CERT1: variants seen among roughly 807,000 people sequenced by gnomAD.
CERT1 encodes ceramide transporter 1.
In CERT1, 31 loss-of-function variants were observed where a neutral mutation model predicts 87.9. The ratio of observed to expected loss-of-function variants is 0.35; its 90% CI spans 0.27 to 0.48. The LOEUF (loss-of-function observed/expected upper bound fraction) is 0.48, where lower values mean the gene tolerates loss of function less well. Ranked by LOEUF, CERT1 falls within the 20% of genes least tolerant of loss-of-function variation. The probability of loss-of-function intolerance (pLI) is 0.99; values close to 1 mark genes in which losing one functional copy is unlikely to be tolerated. For synonymous variants in CERT1, 289 were observed against 250.9 expected, an observed-to-expected ratio of 1.15 and a Z score of -1.44; for missense variants, 487 against 758.0, an observed-to-expected ratio of 0.64 and a Z score of 4.20.
At chr5:75,389,992 A>G (rs922085616) in intron 11 of CERT1, among the ~76,000 whole-genome samples, 14 of 152,232 alleles carry the variant, frequency 9.2e-5, no homozygotes, top group African/African-American at 2.9e-4. Flanking sequence ...ATTCCATTCT[A>G]TATCATAAAA....
At chr5:75,465,687 T>G (rs1293092470) in intron 2 of CERT1, among the ~76,000 whole-genome samples, 3 of 152,220 alleles carry the variant, frequency 2.0e-5, no homozygotes, top group African/African-American at 7.2e-5. Flanking sequence ...TGGACAGGAC[T>G]GCTTCCACTT....
intron 17 of CERT1, chr5:75,372,068 G>C (rs188585129): frequency 6.6e-6 from 1 of 152,214 alleles, no homozygotes; most frequent in East Asian, 1.9e-4. Context: ...TTTATTTACA[G>C]AATCAATTGC....
intron 2 of CERT1, among the ~76,000 whole-genome samples, chr5:75,499,361 T>C (rs768931417): frequency 6.6e-5 from 10 of 152,152 alleles, no homozygotes; most frequent in Non-Finnish European, 1.3e-4. Context: ...TCATCTTGAA[T>C]TGTAGTTCCC....
chr5:75,445,634 C>T (rs889362240), intron 3 of CERT1, among the ~76,000 whole-genome samples: 1 of 152,134 alleles, frequency 6.6e-6, no homozygotes. Context: ...ATCTCCTTCT[C>T]CTTTGAAGGA....
chr5:75,381,467 C>T (rs998100584), intron 15 of CERT1, among the ~76,000 whole-genome samples: 15 of 151,756 alleles, frequency 9.9e-5, no homozygotes, highest in Non-Finnish European at 1.6e-4. Context: ...GCAATCCTCC[C>T]GCCTCAACCT....
intron 8 of CERT1, among the ~76,000 whole-genome samples, chr5:75,407,472 TAAA>T: frequency 9.3e-6 from 1 of 107,846 alleles, no homozygotes; most frequent in African/African-American, 3.3e-5. Flanking sequence ...GGAAAAAAAT[TAAA>T]AAAAAAAAAA....
intron 5 of CERT1, among the ~76,000 whole-genome samples, chr5:75,421,698 T>G (rs1419097874): frequency 6.6e-6 from 1 of 152,242 alleles, no homozygotes; most frequent in Non-Finnish European, 1.5e-5. Context: ...ATTAGTCCCC[T>G]GGCATAATCC....
intron 2 of CERT1, among the ~76,000 whole-genome samples, chr5:75,471,811 T>C (rs1029137681): frequency 1.3e-5 from 2 of 150,348 alleles, no homozygotes; most frequent in African/African-American, 4.9e-5. Context: ...AACATCACTG[T>C]GTGACACATG....
chr5:75,486,005 A>G (rs1217887708), intron 2 of CERT1, among the ~76,000 whole-genome samples: 2 of 152,164 alleles, frequency 1.3e-5, no homozygotes, highest in African/African-American at 4.8e-5. Flanking sequence ...TCATTCTATG[A>G]GGCTAGTATT....
intron 2 of CERT1, among the ~76,000 whole-genome samples, chr5:75,473,666 C>T (rs755951034): frequency 1.3e-4 from 20 of 152,062 alleles, no homozygotes; most frequent in Non-Finnish European, 2.6e-4. Flanking sequence ...AATTGTACAA[C>T]GTGGTGACTA....
At chr5:75,417,588 C>T (rs1366373129) in intron 6 of CERT1, among the ~76,000 whole-genome samples, 1 of 152,056 alleles carries the variant, frequency 6.6e-6, no homozygotes, top group Non-Finnish European at 1.5e-5. Context: ...AACAAGAAAT[C>T]ATAATATTCT....
intron 2 of CERT1, among the ~76,000 whole-genome samples, chr5:75,482,604 C>G (rs1561294327): frequency 1.3e-5 from 2 of 152,222 alleles, no homozygotes; most frequent in African/African-American, 2.4e-5. Context: ...GGCTGTGGGT[C>G]TGACCCAGGA....
intron 11 of CERT1, among the ~76,000 whole-genome samples, chr5:75,393,031 A>T (rs1391348332): frequency 5.6e-5 from 8 of 141,964 alleles, no homozygotes; most frequent in African/African-American, 1.8e-4. Flanking sequence ...AAGTTTCATT[A>T]AAAAAAAAAC....
chr5:75,408,479 A>AGAAATAGCAGCC (rs1221511317), intron 8 of CERT1, among the ~76,000 whole-genome samples: 1 of 152,150 alleles, frequency 6.6e-6, no homozygotes, highest in Non-Finnish European at 1.5e-5. Flanking sequence ...TTGGGCCGTG[A>AGAAATAGCAGCC]GAAATAGCAG....
intron 2 of CERT1, chr5:75,505,730 T>G (rs747656286): frequency 1.3e-5 from 3 of 238,404 alleles, no homozygotes; most frequent in African/African-American, 2.3e-5. Flanking sequence ...GCTTCAAACA[T>G]TTTTTTTTCC....
chr5:75,461,782 G>C (rs1399864833), intron 2 of CERT1, among the ~76,000 whole-genome samples: 2 of 144,772 alleles, frequency 1.4e-5, no homozygotes, highest in Non-Finnish European at 3.0e-5. Context: ...GGTATAGAAA[G>C]TCTGTGAATA....
At chr5:75,376,875 A>G (rs1003419233), downstream of CERT1, 1 of 152,220 alleles carries the variant, frequency 6.6e-6, no homozygotes, top group African/African-American at 2.4e-5. Context: ...TAAAAGAAAG[A>G]CATACTATAA....
chr5:75,400,081 G>A (rs1237478776), intron 10 of CERT1, 124 bp downstream of exon 10: 9 of 679,404 alleles, frequency 1.3e-5, no homozygotes, highest in Admixed American at 5.6e-5. Context: ...GTAGTGAGCC[G>A]AGATCGCGCC....
chr5:75,440,742 A>C (rs1052944366), intron 3 of CERT1, among the ~76,000 whole-genome samples: 2 of 150,744 alleles, frequency 1.3e-5, no homozygotes, highest in African/African-American at 4.9e-5. Flanking sequence ...GAGAGGAAGA[A>C]GAGAGTAAGA....
Sources: gnomAD v4.1 joint callset for allele counts (sites outside exome capture counted in the v4.1 genomes callset) on GRCh38, gnomAD v4.1.1 for gene constraint, MANE v1.5 for transcripts, NCBI Gene and HGNC (gene_info 2026-07-23, HGNC 2026-07-21) for gene names.